Variants in NRG3 observed in about 807,000 individuals in gnomAD.
NRG3 encodes pro-neuregulin-3, membrane-bound isoform.
NRG3 carries 31 observed loss-of-function variants against 66.9 expected under a neutral mutation model. The observed-to-expected ratio is 0.46, with a 90% CI of 0.35 to 0.63. The LOEUF is 0.63. NRG3 is among the 20% of genes least tolerant of loss of function. The pLI is 0.00. For synonymous variants in NRG3, 393 were observed against 359.4 expected, an observed-to-expected ratio of 1.09 and a Z score of -1.06; for missense variants, 910 against 878.9, an observed-to-expected ratio of 1.04 and a Z score of -0.45.
chr10:82,251,120 A>G (rs1406921728), intron 1 of NRG3, among the ~76,000 whole-genome samples: 1 of 152,178 alleles, frequency 6.6e-6, no homozygotes, highest in African/African-American at 2.4e-5. Context: ...CCTGGAGAAG[A>G]ATGTCATGGC....
At chr10:82,255,777 T>C (rs2077697716) in intron 1 of NRG3, among the ~76,000 whole-genome samples, 1 of 151,400 alleles carries the variant, frequency 6.6e-6, no homozygotes, top group African/African-American at 2.4e-5. Context: ...CTAATTTTTG[T>C]ATTTTTAGTA....
intron 2 of NRG3, among the ~76,000 whole-genome samples, chr10:82,725,736 C>T (rs2057561259): frequency 6.6e-6 from 1 of 152,098 alleles, no homozygotes; most frequent in African/African-American, 2.4e-5. Context: ...TTCTAGGACA[C>T]ATACAAGAAA....
At chr10:81,986,481 C>T (rs2060523029) in intron 1 of NRG3, among the ~76,000 whole-genome samples, 1 of 152,048 alleles carries the variant, frequency 6.6e-6, no homozygotes, top group African/African-American at 2.4e-5. Context: ...AAACCTAAGA[C>T]ACTCAAAATC....
At chr10:82,333,350 C>G (rs967144535) in intron 1 of NRG3, among the ~76,000 whole-genome samples, 1 of 152,130 alleles carries the variant, frequency 6.6e-6, no homozygotes, top group African/African-American at 2.4e-5. Flanking sequence ...TCAGAGAGAT[C>G]AAGGTTAATG....
At chr10:81,901,817 G>A (rs527285319) in intron 1 of NRG3, among the ~76,000 whole-genome samples, 1 of 152,278 alleles carries the variant, frequency 6.6e-6, no homozygotes, top group Admixed American at 6.5e-5. Flanking sequence ...GAGAGATTGT[G>A]GGACTTGGAG....
chr10:82,847,572 A>C (rs1247900969), intron 3 of NRG3, among the ~76,000 whole-genome samples: 4 of 152,342 alleles, frequency 2.6e-5, no homozygotes, highest in Admixed American at 2.0e-4. Flanking sequence ...TTTTCCCACT[A>C]TATCACATTC....
At chr10:82,248,276 G>A (rs2077335288) in intron 1 of NRG3, among the ~76,000 whole-genome samples, 1 of 152,182 alleles carries the variant, frequency 6.6e-6, no homozygotes, top group South Asian at 2.1e-4. Flanking sequence ...ACTGTGGCAT[G>A]TCAATTTATA....
At chr10:82,644,334 C>T (rs1203522103) in intron 2 of NRG3, among the ~76,000 whole-genome samples, 2 of 152,090 alleles carry the variant, frequency 1.3e-5, no homozygotes, top group African/African-American at 4.8e-5. Flanking sequence ...TGTTTGCTTC[C>T]TAAATGAGTT....
At chr10:82,448,810 CTATA>C (rs2090875253) in intron 2 of NRG3, among the ~76,000 whole-genome samples, 1 of 152,034 alleles carries the variant, frequency 6.6e-6, no homozygotes, top group Admixed American at 6.6e-5. Context: ...ACATAATTGT[CTATA>C]ATTCAGCAAT....
At chr10:82,398,530 A>T (rs868258377) in intron 2 of NRG3, among the ~76,000 whole-genome samples, 52 of 147,838 alleles carry the variant, frequency 3.5e-4, no homozygotes, top group Admixed American at 1.0e-3. Flanking sequence ...TGTGTGTGAG[A>T]GAGAGAGAGA....
At chr10:82,834,479 C>T (rs561623) in intron 3 of NRG3, among the ~76,000 whole-genome samples, 1 of 151,862 alleles carries the variant, frequency 6.6e-6, no homozygotes, top group East Asian at 1.9e-4. Context: ...AGAGTAACAG[C>T]GAATTGCAAA....
intron 2 of NRG3, among the ~76,000 whole-genome samples, chr10:82,429,905 G>T (rs574364304): frequency 6.6e-6 from 1 of 152,172 alleles, no homozygotes; most frequent in Admixed American, 6.5e-5. Flanking sequence ...GAAATCTGCT[G>T]CCAACACCTT....
intron 1 of NRG3, among the ~76,000 whole-genome samples, chr10:82,296,065 A>G (rs938106016): frequency 6.6e-6 from 1 of 152,104 alleles, no homozygotes. Flanking sequence ...TGAGGAAGTA[A>G]TTGTTCACCA....
intron 2 of NRG3, among the ~76,000 whole-genome samples, chr10:82,692,758 C>T (rs1018608907): frequency 6.6e-6 from 1 of 152,228 alleles, no homozygotes; most frequent in Admixed American, 6.5e-5. Flanking sequence ...GGTGTAAACA[C>T]TTGTGGGATG....
chr10:82,007,851 A>G (rs2061431595), intron 1 of NRG3, among the ~76,000 whole-genome samples: 1 of 152,186 alleles, frequency 6.6e-6, no homozygotes, highest in South Asian at 2.1e-4. Context: ...TTGACATCTA[A>G]CAATGGGAAC....
intron 3 of NRG3, among the ~76,000 whole-genome samples, chr10:82,783,303 G>A (rs1471109094): frequency 1.3e-5 from 2 of 150,754 alleles, no homozygotes; most frequent in Non-Finnish European, 3.0e-5. Flanking sequence ...GCACAAGACA[G>A]GGATGCCCTC....
intron 3 of NRG3, among the ~76,000 whole-genome samples, chr10:82,749,677 A>AT (rs201144870): frequency 6.6e-6 from 1 of 151,308 alleles, no homozygotes; most frequent in Non-Finnish European, 1.5e-5. Flanking sequence ...CATATTCATA[A>AT]TTTTTTTTCA....
intron 1 of NRG3, among the ~76,000 whole-genome samples, chr10:82,025,459 A>G (rs1191338984): frequency 6.6e-6 from 1 of 151,922 alleles, no homozygotes; most frequent in Non-Finnish European, 1.5e-5. Context: ...GTATGTTTAC[A>G]TGTGCATATG....
intron 3 of NRG3, among the ~76,000 whole-genome samples, chr10:82,765,582 A>T (rs2059484110): frequency 6.6e-6 from 1 of 152,164 alleles, no homozygotes; most frequent in African/African-American, 2.4e-5. Flanking sequence ...CAAATACCAA[A>T]GGTAGGAATA....
Sources: allele counts gnomAD v4.1 joint callset (sites outside exome capture counted in the v4.1 genomes callset), GRCh38; gene constraint gnomAD v4.1.1; transcripts MANE v1.5; gene names NCBI Gene and HGNC (gene_info 2026-07-23, HGNC 2026-07-21).